Variants in OSBPL6 observed in about 807,000 individuals in gnomAD.
OSBPL6 encodes oxysterol binding protein like 6.
In OSBPL6, 49 loss-of-function variants were observed where a neutral mutation model predicts 125.8. The ratio of observed to expected loss-of-function variants is 0.39; its 90% CI spans 0.31 to 0.49. The LOEUF (loss-of-function observed/expected upper bound fraction) is 0.49. Ranked by LOEUF, OSBPL6 falls within the 20% of genes least tolerant of loss-of-function variation. The pLI, the probability that OSBPL6 is intolerant of heterozygous loss-of-function variation, is 0.88. For synonymous variants in OSBPL6, 394 were observed against 391.8 expected (o/e 1.01, Z -0.07); for missense variants, 986 against 1,135.4 (o/e 0.87, Z 1.89).
At chr2:178,322,133 A>G (rs1688299556) in intron 3 of OSBPL6, among the ~76,000 whole-genome samples, 1 of 152,118 alleles carries the variant, frequency 6.6e-6, no homozygotes, top group African/African-American at 2.4e-5. Context: ...CTTGACTTGG[A>G]AGTTAGGGGA....
At chr2:178,363,771 A>G (rs536127422) in intron 13 of OSBPL6, among the ~76,000 whole-genome samples, 2 of 152,348 alleles carry the variant, frequency 1.3e-5, no homozygotes, top group Admixed American at 6.5e-5. Context: ...TAGAGCCTCA[A>G]TAGATTTTTG....
Position 178,397,982 on chromosome 2 carries a change from T to G in OSBPL6, c.*2423T>G, listed in dbSNP as rs781573101. ...CTCTTTTGGGATTCAGATAGTCTGA[T>G]TATTCCAATTCAAGTGTTCAGTTAA... On this transcript the variant is annotated 3_prime_UTR_variant, in exon 25 of 25. Coordinates refer to ENST00000190611, the MANE Select transcript of OSBPL6 (RefSeq NM_032523.4). The G allele has an allele frequency of 2.0e-5, 3 of 152,232 alleles. No homozygotes were observed. The highest frequency in any genetic ancestry group is 2.9e-5 in the Non-Finnish European group (2 of 68,040). The allele number at this position is 152,232 out of a possible 1,614,324, so 9.4% of individuals were successfully genotyped here.
chr2:178,362,801 A>G (rs1313505324), intron 13 of OSBPL6, among the ~76,000 whole-genome samples: 1 of 152,180 alleles, frequency 6.6e-6, no homozygotes, highest in Non-Finnish European at 1.5e-5. Context: ...TGCATTATCC[A>G]TAAAACACTG....
At position 178,384,192 on chromosome 2, in the gene OSBPL6, C is replaced by T; in HGVS notation, c.2013+16C>T. 6.2e-7 allele frequency: 1 copy of T among 1,610,200 alleles called. No homozygotes were observed. Among genetic ancestry groups the T allele is most frequent in the Non-Finnish European group, 8.5e-7 (1 of 1,176,976 alleles). ...CTCAGAACAGGTAAGCGCCACTGGA[C>T]TCAGTGAGGTTTCTATATAGGTAAG... On this transcript the variant is annotated intron_variant, in intron 18 of 24. Coordinates refer to ENST00000190611, the MANE Select transcript of OSBPL6 (RefSeq NM_032523.4).
chr2:178,261,687 G>A (rs2092069373), intron 1 of OSBPL6, among the ~76,000 whole-genome samples: 1 of 152,222 alleles, frequency 6.6e-6, no homozygotes, highest in South Asian at 2.1e-4. Context: ...GTACAGAAAT[G>A]GCTGGAGGCC....
intron 1 of OSBPL6, among the ~76,000 whole-genome samples, chr2:178,212,049 A>G (rs2089886418): frequency 6.6e-6 from 1 of 152,134 alleles, no homozygotes; most frequent in Admixed American, 6.5e-5. Flanking sequence ...GTCATCATCA[A>G]ATATTCATTA....
chr2:178,321,396 C>T (rs915620930), intron 3 of OSBPL6, among the ~76,000 whole-genome samples: 3 of 152,132 alleles, frequency 2.0e-5, no homozygotes, highest in Non-Finnish European at 4.4e-5. Flanking sequence ...TCAGTTTAAA[C>T]TGTCTTCTTT....
At chr2:178,239,821 G>A (rs2091216637) in intron 1 of OSBPL6, among the ~76,000 whole-genome samples, 1 of 151,430 alleles carries the variant, frequency 6.6e-6, no homozygotes, top group Admixed American at 6.6e-5. Flanking sequence ...TAGAGATGGG[G>A]TTTCACTGTG....
intron 1 of OSBPL6, among the ~76,000 whole-genome samples, chr2:178,197,371 GT>G: frequency 6.6e-6 from 1 of 152,310 alleles, no homozygotes; most frequent in South Asian, 2.1e-4. Flanking sequence ...AGGGTAGCAT[GT>G]GGGGAGGAAC....
intron 1 of OSBPL6, among the ~76,000 whole-genome samples, chr2:178,252,372 G>C (rs1166550008): frequency 6.6e-6 from 1 of 152,134 alleles, no homozygotes; most frequent in Non-Finnish European, 1.5e-5. Context: ...AGCAGCGGTA[G>C]ACAAAATGTA....
chr2:178,250,749 C>T (rs556314778), intron 1 of OSBPL6, among the ~76,000 whole-genome samples: 2 of 152,272 alleles, frequency 1.3e-5, no homozygotes, highest in Admixed American at 6.5e-5. Context: ...ATATCGTGCA[C>T]TATAAATGAG....
chr2:178,251,113 G>C (rs1346673900), intron 1 of OSBPL6, among the ~76,000 whole-genome samples: 3 of 152,168 alleles, frequency 2.0e-5, no homozygotes, highest in Non-Finnish European at 2.9e-5. Flanking sequence ...AGGCATGGGA[G>C]CCACCTTTAG....
intron 11 of OSBPL6, among the ~76,000 whole-genome samples, chr2:178,341,306 AG>A (rs1690167204): frequency 6.8e-6 from 1 of 147,750 alleles, no homozygotes; most frequent in South Asian, 2.1e-4. Flanking sequence ...TGCATCTAGG[AG>A]CTCCACTAGA....
chr2:178,202,620 G>A (rs376808520), intron 1 of OSBPL6, among the ~76,000 whole-genome samples: 16 of 152,096 alleles, frequency 1.1e-4, no homozygotes, highest in South Asian at 2.1e-4. Context: ...TCAGGAGTAC[G>A]AGACCAGCCT....
intron 19 of OSBPL6, among the ~76,000 whole-genome samples, chr2:178,385,749 G>A (rs1015763470): frequency 3.3e-5 from 5 of 152,210 alleles, no homozygotes; most frequent in African/African-American, 9.6e-5. Context: ...GTATGGAATA[G>A]CAGAGCTCCA....
At chr2:178,358,502 G>C (rs1692028881) in intron 12 of OSBPL6, among the ~76,000 whole-genome samples, 2 of 152,108 alleles carry the variant, frequency 1.3e-5, no homozygotes, top group African/African-American at 2.4e-5. Flanking sequence ...ATGAGAAAAG[G>C]ATAGTTTGTT....
intron 1 of OSBPL6, among the ~76,000 whole-genome samples, chr2:178,274,861 T>G (rs185934605): frequency 3.3e-5 from 5 of 152,194 alleles, no homozygotes; most frequent in Non-Finnish European, 1.5e-5. Context: ...GATTGTACCC[T>G]GCTGAGCAGT....
chr2:178,328,244 C>A lies in OSBPL6; in HGVS notation c.196-12C>A. 1 of 1,612,318 alleles carries A rather than the reference C, an allele frequency of 6.2e-7. No homozygotes were observed. The highest frequency in any genetic ancestry group is 8.5e-7 in the Non-Finnish European group (1 of 1,179,282). ...GAGTAACATGTGATTTGTTTTTCTTCTTTTCTCTCAGGAAGCTGACAGCTG... is the reference window on the plus strand; with the variant it reads ...GAGTAACATGTGATTTGTTTTTCTTATTTTCTCTCAGGAAGCTGACAGCTG... On this transcript the variant is annotated splice_polypyrimidine_tract_variant and intron_variant, in intron 4 of 24. Transcript: ENST00000190611.
intron 20 of OSBPL6, among the ~76,000 whole-genome samples, chr2:178,388,638 A>G (rs1396921582): frequency 6.6e-6 from 1 of 152,156 alleles, no homozygotes; most frequent in African/African-American, 2.4e-5. Flanking sequence ...GTCTTCCTTG[A>G]CACTCATCCC....
Sources: allele counts gnomAD v4.1 joint callset (sites outside exome capture counted in the v4.1 genomes callset), GRCh38; gene constraint gnomAD v4.1.1; transcripts MANE v1.5; gene names NCBI Gene and HGNC (gene_info 2026-07-23, HGNC 2026-07-21).